Variants in LRRC37A2 observed in about 807,000 individuals in gnomAD.
The protein encoded by LRRC37A2 is leucine rich repeat containing 37 member A2, also known as leucine-rich repeat-containing protein 37A2.
LRRC37A2 carries 9 observed loss-of-function variants against 68.8 expected under a neutral mutation model. The ratio of observed to expected loss-of-function variants is 0.13; its 90% CI spans 0.08 to 0.23. The LOEUF (loss-of-function observed/expected upper bound fraction) is 0.23, where lower values mean the gene tolerates loss of function less well. Among genes scored for constraint, LRRC37A2 ranks in the 10% least tolerant of loss-of-function variants. LRRC37A2 has a pLI of 1.00. For synonymous variants in LRRC37A2, 63 were observed against 367.6 expected, an observed-to-expected ratio of 0.17 and a Z score of 9.48; for missense variants, 168 against 950.4, an observed-to-expected ratio of 0.18 and a Z score of 10.82.
the LRRC37A2 span, among the ~76,000 whole-genome samples, chr17:46,805,091 G>A: frequency 1.3e-5 from 2 of 152,216 alleles, no homozygotes; most frequent in African/African-American, 4.8e-5. Context: ...AAGTCAGTGA[G>A]ACCACGAACC....
chr17:47,002,472 C>G, the LRRC37A2 span, among the ~76,000 whole-genome samples: 5 of 151,872 alleles, frequency 3.3e-5, no homozygotes, highest in African/African-American at 4.8e-5. Context: ...CTCACTGCAA[C>G]CTCCGCCTCC....
the LRRC37A2 span, among the ~76,000 whole-genome samples, chr17:46,817,951 C>T: frequency 6.6e-6 from 1 of 152,024 alleles, no homozygotes; most frequent in Non-Finnish European, 1.5e-5. Context: ...GAATCTAGAG[C>T]GGTGGGGAGA....
the LRRC37A2 span, among the ~76,000 whole-genome samples, chr17:46,832,423 AG>A: frequency 8.3e-6 from 1 of 121,082 alleles, no homozygotes; most frequent in Non-Finnish European, 1.8e-5. Context: ...GGAGGAGAGA[AG>A]GGAGGTTGGG....
chr17:47,032,337 C>T, the LRRC37A2 span, among the ~76,000 whole-genome samples: 13 of 149,158 alleles, frequency 8.7e-5, no homozygotes, highest in African/African-American at 2.7e-4. Context: ...TCTTGCGATG[C>T]GGTTATTATT....
chr17:46,811,427 C>A, the LRRC37A2 span, among the ~76,000 whole-genome samples: 2 of 152,130 alleles, frequency 1.3e-5, no homozygotes, highest in Non-Finnish European at 2.9e-5. Flanking sequence ...GGTATGGGGC[C>A]GTGCCTGCTG....
the LRRC37A2 span, chr17:46,941,963 T>G: frequency 1.0e-6 from 1 of 985,190 alleles, no homozygotes; most frequent in Non-Finnish European, 1.2e-6. Context: ...GATGATCACA[T>G]TGGTGTAAAG....
At position 46,525,684 on chromosome 17, in the gene LRRC37A2, GA is replaced by G. The variant is rs1253303471; in HGVS notation, c.2906+1804del. ...ACTACAATTATGTAGGCAACACCAG[GA>G]AAACACTGGAATCACAGTTGATAAA... On this transcript the variant is annotated intron_variant, in intron 6 of 14. Transcript: ENST00000576629. Among the ~76,000 whole-genome samples the G allele has an allele frequency of 3.4e-5, 4 of 118,668 alleles. No homozygotes were observed. In the South Asian group the frequency reaches 1.5e-3, roughly 45 times the overall value. The allele number at this position is 118,668 out of a possible 152,430, so 77.9% of individuals were successfully genotyped here. A position where few individuals can be genotyped will look rare whatever the true frequency, so the allele number is the denominator to read the frequency against.
chr17:46,853,419 T>G, the LRRC37A2 span, among the ~76,000 whole-genome samples: 1 of 139,200 alleles, frequency 7.2e-6, no homozygotes, highest in East Asian at 2.5e-4. Context: ...TCACCCAGGC[T>G]GGAGTGCAGT....
chr17:46,806,045 T>C, the LRRC37A2 span, among the ~76,000 whole-genome samples: 1 of 152,196 alleles, frequency 6.6e-6, no homozygotes, highest in Non-Finnish European at 1.5e-5. Flanking sequence ...GATGAGCTAA[T>C]GTGTGTGCTT....
the LRRC37A2 span, among the ~76,000 whole-genome samples, chr17:46,928,686 TCAGGGTC>T: frequency 6.6e-6 from 1 of 152,206 alleles, no homozygotes; most frequent in Non-Finnish European, 1.5e-5. Flanking sequence ...GGTCCCTGTC[TCAGGGTC>T]TTCCTCTGAA....
chr17:47,025,652 A>G, the LRRC37A2 span, among the ~76,000 whole-genome samples: 1 of 147,488 alleles, frequency 6.8e-6, no homozygotes, highest in Non-Finnish European at 1.5e-5. Flanking sequence ...TTTAGAGACA[A>G]GAAGATACTA....
At chr17:47,027,686 C>A in the LRRC37A2 span, 7 of 811,422 alleles carry the variant, frequency 8.6e-6, no homozygotes, top group Non-Finnish European at 1.4e-5. Context: ...TAATTATAAA[C>A]CTCTTTGCTA....
At chr17:46,871,364 G>A in the LRRC37A2 span, among the ~76,000 whole-genome samples, 2 of 152,186 alleles carry the variant, frequency 1.3e-5, no homozygotes. Flanking sequence ...ATCTCACAGA[G>A]AGCTTCTGGG....
At chr17:46,950,922 G>T in the LRRC37A2 span, among the ~76,000 whole-genome samples, 1 of 152,216 alleles carries the variant, frequency 6.6e-6, no homozygotes, top group Non-Finnish European at 1.5e-5. Flanking sequence ...GAGATCTGGA[G>T]TCAGAGGGGG....
chr17:47,028,332 T>C, the LRRC37A2 span: 1 of 1,507,468 alleles, frequency 6.6e-7, no homozygotes, highest in Admixed American at 1.7e-5. Flanking sequence ...ATTTCAGGCC[T>C]GGCACGAAAT....
the LRRC37A2 span, among the ~76,000 whole-genome samples, chr17:46,977,631 A>T: frequency 6.6e-6 from 1 of 152,166 alleles, no homozygotes; most frequent in Non-Finnish European, 1.5e-5. Flanking sequence ...TCCATTGTAT[A>T]ATAAACATCC....
At chr17:47,025,311 G>A in the LRRC37A2 span, among the ~76,000 whole-genome samples, 2 of 152,062 alleles carry the variant, frequency 1.3e-5, no homozygotes, top group South Asian at 4.1e-4. Context: ...AGAAGAAAAT[G>A]GAGACCACCT....
the LRRC37A2 span, among the ~76,000 whole-genome samples, chr17:46,807,348 G>A: frequency 2.0e-5 from 3 of 152,318 alleles, no homozygotes; most frequent in Non-Finnish European, 1.5e-5. Flanking sequence ...TGGGTGTGGT[G>A]GCGCATGCCT....
At chr17:46,936,936 C>G in the LRRC37A2 span, 1 of 407,956 alleles carries the variant, frequency 2.5e-6, no homozygotes, top group Non-Finnish European at 3.3e-6. Flanking sequence ...TTCCTTGTTT[C>G]TCTCAGTTGC....
Sources: allele counts gnomAD v4.1 joint callset (sites outside exome capture counted in the v4.1 genomes callset), GRCh38; gene constraint gnomAD v4.1.1; transcripts MANE v1.5; gene names NCBI Gene and HGNC (gene_info 2026-07-23, HGNC 2026-07-21).